GPHN: variants seen among roughly 807,000 people sequenced by gnomAD.
GPHN encodes the protein gephyrin.
A neutral mutation model predicts 95.5 loss-of-function variants in GPHN; 17 were observed. The ratio of observed to expected loss-of-function variants is 0.18; its 90% confidence interval spans 0.12 to 0.27. The LOEUF is 0.27. Ranked by LOEUF, GPHN falls within the 10% of genes least tolerant of loss-of-function variation. GPHN has a pLI of 1.00. For missense variants in GPHN, 660 were observed against 978.1 expected, an observed-to-expected ratio of 0.67 and a Z score of 4.34; for synonymous variants, 320 against 322.5, an observed-to-expected ratio of 0.99 and a Z score of 0.08.
chr14:67,279,443 C>T, the GPHN span: 6 of 1,613,072 alleles, frequency 3.7e-6, no homozygotes, highest in Non-Finnish European at 5.1e-6. Context: ...AGAAACTAGC[C>T]CAAATTCCTC....
chr14:66,874,810 C>G (rs1328035051), intron 4 of GPHN, among the ~76,000 whole-genome samples: 1 of 152,088 alleles, frequency 6.6e-6, no homozygotes, highest in Non-Finnish European at 1.5e-5. Flanking sequence ...ACAGGGAGAA[C>G]AGAACCAAGT....
At chr14:67,508,135 C>CAAAAAAAAAAAAAAA in the GPHN span, among the ~76,000 whole-genome samples, 18 of 130,604 alleles carry the variant, frequency 1.4e-4, no homozygotes, top group African/African-American at 5.1e-4. Context: ...AACTCCATCT[C>CAAAAAAAAAAAAAAA]AAAAAAAAAA....
rs1461989778 is a variant in GPHN, at chr14:66,508,549, C to T, written c.22C>T (p.Leu8Phe). 3.1e-6 allele frequency: 5 copies of T among 1,613,978 alleles called. No homozygotes were observed. The highest frequency in any genetic ancestry group is 4.2e-6 in the Non-Finnish European group (5 of 1,179,928). The part of the protein sequence containing the change: MATEGMI[L>F]TNHDHQIRVG... ...AAACATGGCGACCGAGGGAATGATC[C>T]TTACTAACCACGACCATCAAATCCG... Residue 8 changes from leucine (L) to phenylalanine (F), a missense_variant, in exon 1 of 23, where the codon CTT becomes TTT. Coordinates refer to ENST00000478722, the MANE Select transcript of GPHN (RefSeq NM_020806.5).
the GPHN span, chr14:67,591,876 C>T: frequency 6.6e-6 from 1 of 151,268 alleles, no homozygotes; most frequent in East Asian, 1.9e-4. Flanking sequence ...ACAAAAAAAC[C>T]CAGGCATGAT....
the GPHN span, among the ~76,000 whole-genome samples, chr14:67,488,281 C>A: frequency 0.018 from 2,734 of 152,362 alleles, 31 homozygotes; most frequent in African/African-American, 0.022. Flanking sequence ...CTTGCTCAAG[C>A]TGACAACCTG....
the GPHN span, among the ~76,000 whole-genome samples, chr14:67,202,326 A>G: frequency 2.0e-5 from 3 of 152,146 alleles, 1 homozygote; most frequent in South Asian, 6.2e-4. Context: ...CTGTAATCCC[A>G]GCTACTTGGG....
At chr14:66,755,338 T>G (rs1465711614) in intron 2 of GPHN, among the ~76,000 whole-genome samples, 1 of 152,122 alleles carries the variant, frequency 6.6e-6, no homozygotes, top group Non-Finnish European at 1.5e-5. Context: ...AAATGAAGCT[T>G]GCTGTTACTC....
intron 1 of GPHN, among the ~76,000 whole-genome samples, chr14:66,604,622 C>T (rs950340323): frequency 1.3e-5 from 2 of 152,166 alleles, no homozygotes; most frequent in East Asian, 1.9e-4. Context: ...CAATATGTAA[C>T]AGTATATATA....
chr14:66,798,343 A>G (rs1005986390), intron 3 of GPHN, among the ~76,000 whole-genome samples: 3 of 151,910 alleles, frequency 2.0e-5, no homozygotes, highest in African/African-American at 7.2e-5. Flanking sequence ...CAATGAATTT[A>G]GAAGTATTCC....
At chr14:66,941,037 C>A (rs577776741) in intron 8 of GPHN, among the ~76,000 whole-genome samples, 208 of 152,210 alleles carry the variant, frequency 1.4e-3, no homozygotes, top group African/African-American at 2.3e-3. Flanking sequence ...CATCACCTGG[C>A]AGGATTTGCA....
chr14:67,318,834 G>T, the GPHN span, among the ~76,000 whole-genome samples: 13 of 152,116 alleles, frequency 8.5e-5, no homozygotes, highest in Admixed American at 5.9e-4. Flanking sequence ...GAGGCAGGCG[G>T]ATCACGAGGT....
At chr14:66,685,322 C>A (rs1415407612) in intron 2 of GPHN, among the ~76,000 whole-genome samples, 1 of 152,188 alleles carries the variant, frequency 6.6e-6, no homozygotes, top group East Asian at 1.9e-4. Flanking sequence ...TGAGGAATCG[C>A]CACACTGTCT....
chr14:67,091,647 A>G (rs941676736), intron 12 of GPHN, among the ~76,000 whole-genome samples: 1 of 151,856 alleles, frequency 6.6e-6, no homozygotes, highest in Non-Finnish European at 1.5e-5. Flanking sequence ...CCCAAACAGA[A>G]TATTGTTCTG....
chr14:67,425,283 G>T, the GPHN span, among the ~76,000 whole-genome samples: 2 of 152,188 alleles, frequency 1.3e-5, no homozygotes, highest in African/African-American at 4.8e-5. Flanking sequence ...AGGTACAGTG[G>T]CTCATGCCTA....
chr14:67,574,429 G>A, the GPHN span: 1 of 1,482,344 alleles, frequency 6.7e-7, no homozygotes, highest in Non-Finnish European at 9.0e-7. The surrounding 1 kb of genome is among the most constrained non-coding windows in gnomAD (Gnocchi z 4.2). Flanking sequence ...GATAGGGCAG[G>A]AACATGTGCC....
At chr14:67,100,185 C>G (rs141590346) in intron 12 of GPHN, among the ~76,000 whole-genome samples, 2 of 152,112 alleles carry the variant, frequency 1.3e-5, no homozygotes, top group African/African-American at 4.8e-5. Context: ...TTTTAAAAAA[C>G]TGTGCTACAA....
At chr14:66,865,689 C>A (rs991115842) in intron 4 of GPHN, among the ~76,000 whole-genome samples, 3 of 152,158 alleles carry the variant, frequency 2.0e-5, no homozygotes, top group Non-Finnish European at 4.4e-5. Context: ...TGAATACCCT[C>A]TTCTCTTGGA....
chr14:66,916,142 A>G (rs2065885613), intron 6 of GPHN, 73 bp downstream of exon 6: 2 of 956,990 alleles, frequency 2.1e-6, no homozygotes, highest in African/African-American at 1.6e-5. Flanking sequence ...CCAGCCAAAA[A>G]GTTGGAGCAC....
chr14:66,844,914 C>G (rs1265511493), intron 4 of GPHN, among the ~76,000 whole-genome samples: 1 of 152,048 alleles, frequency 6.6e-6, no homozygotes, highest in Non-Finnish European at 1.5e-5. Context: ...AAACTATAAT[C>G]TACTTTCTGT....
Sources: allele counts gnomAD v4.1 joint callset (sites outside exome capture counted in the v4.1 genomes callset), GRCh38; gene constraint gnomAD v4.1.1; non-coding constraint Gnocchi (gnomAD v3.1); transcripts MANE v1.5; gene names NCBI Gene and HGNC (gene_info 2026-07-23, HGNC 2026-07-21).